UBE2D3: variants seen among roughly 807,000 people sequenced by gnomAD.
UBE2D3 encodes ubiquitin-conjugating enzyme E2 D3.
UBE2D3 carries 2 observed loss-of-function variants against 22.8 expected under a neutral mutation model. The observed-to-expected ratio is 0.09, with a 90% confidence interval of 0.04 to 0.28. The LOEUF is 0.28. Ranked by LOEUF, UBE2D3 falls within the 10% of genes least tolerant of loss-of-function variation. The pLI is 1.00. For missense variants in UBE2D3, 27 were observed against 182.5 expected, an observed-to-expected ratio of 0.15 and a Z score of 4.91; for synonymous variants, 56 against 60.4, an observed-to-expected ratio of 0.93 and a Z score of 0.34.
At chr4:102,854,744 G>A (rs1267469395) in intron 1 of UBE2D3, among the ~76,000 whole-genome samples, 3 of 152,116 alleles carry the variant, frequency 2.0e-5, no homozygotes, top group Non-Finnish European at 1.5e-5. Context: ...ACTAGTAAAG[G>A]CTGTTGTCTT....
intron 7 of UBE2D3, 78 bp downstream of exon 7, chr4:102,799,329 T>C (rs1341558163): frequency 9.1e-7 from 1 of 1,099,856 alleles, no homozygotes; most frequent in African/African-American, 1.6e-5. Flanking sequence ...TCAAGTCTTC[T>C]TGGCACTGTC....
intron 1 of UBE2D3, among the ~76,000 whole-genome samples, chr4:102,845,069 G>A (rs956993080): frequency 2.8e-5 from 4 of 143,786 alleles, no homozygotes; most frequent in Non-Finnish European, 6.0e-5. Flanking sequence ...CCAATATGAC[G>A]AAACCCCATC....
chr4:102,821,013 T>A (rs1369339680), intron 2 of UBE2D3, among the ~76,000 whole-genome samples: 1 of 152,138 alleles, frequency 6.6e-6, no homozygotes, highest in Admixed American at 6.5e-5. Context: ...TAAAAATACT[T>A]CCCTAAACTT....
At position 102,819,460 on chromosome 4, in the gene UBE2D3, CAAT is replaced by C. The variant is rs535682607; in HGVS notation, c.24+7022_24+7024del. 1,240 of 529,028 alleles carry C rather than the reference CAAT, an allele frequency of 2.3e-3. 2 individuals are homozygous for C. The highest frequency in any genetic ancestry group is 5.3e-3 in the Admixed American group (84 of 15,726). The allele number at this position is 529,028 out of a possible 1,614,324, so 32.8% of individuals were successfully genotyped here. A position where few individuals can be genotyped will look rare whatever the true frequency, so the allele number is the denominator to read the frequency against. ...ACAGAGCAGCCATGTTCCAGGAGCC[CAAT>C]AAGTATCTGAACATTCGGTTAACTT... On this transcript the variant is annotated intron_variant, in intron 2 of 7. Transcript: ENST00000453744.
At chr4:102,808,555 T>C (rs1027613647) in intron 4 of UBE2D3, among the ~76,000 whole-genome samples, 43 of 152,216 alleles carry the variant, frequency 2.8e-4, no homozygotes, top group African/African-American at 1.0e-3. Flanking sequence ...GGCACTAACA[T>C]TTTAATTACT....
intron 2 of UBE2D3, among the ~76,000 whole-genome samples, chr4:102,818,201 C>T (rs1729052010): frequency 6.6e-6 from 1 of 152,184 alleles, no homozygotes; most frequent in South Asian, 2.1e-4. Context: ...TGAAGGGACA[C>T]TAAGATCAAG....
chr4:102,803,821 C>T (rs761291146), intron 4 of UBE2D3, among the ~76,000 whole-genome samples: 1 of 152,148 alleles, frequency 6.6e-6, no homozygotes. Flanking sequence ...CAGGCTTAAG[C>T]GCAGTGGCAC....
intron 2 of UBE2D3, chr4:102,811,827 G>GA (rs1728090497): frequency 2.3e-6 from 1 of 433,410 alleles, no homozygotes; most frequent in Non-Finnish European, 4.5e-6. Context: ...GACCAGCTTG[G>GA]ATAACATAGT....
At chr4:102,827,234 G>C (rs1730700685) in intron 1 of UBE2D3, 193 bp downstream of exon 1, 1 of 980,562 alleles carries the variant, frequency 1.0e-6, no homozygotes, top group Non-Finnish European at 1.2e-6. Flanking sequence ...CTCCGGCTTA[G>C]GCGCGAGGAC....
intron 1 of UBE2D3, among the ~76,000 whole-genome samples, chr4:102,865,084 A>G (rs1267125623): frequency 6.6e-6 from 1 of 152,234 alleles, no homozygotes; most frequent in Non-Finnish European, 1.5e-5. Flanking sequence ...ACACAGGTGA[A>G]TACCTTTGTG....
intron 7 of UBE2D3, 85 bp downstream of exon 7, chr4:102,799,322 A>T (rs1725753589): frequency 9.9e-7 from 1 of 1,008,540 alleles, no homozygotes; most frequent in Non-Finnish European, 1.5e-6. Context: ...CTAAATATCA[A>T]GTCTTCTTGG....
chr4:102,845,655 T>A (rs972284755), intron 1 of UBE2D3, among the ~76,000 whole-genome samples: 1 of 152,208 alleles, frequency 6.6e-6, no homozygotes, highest in East Asian at 1.9e-4. Context: ...GGTAGGTTAC[T>A]TTATTATATT....
chr4:102,822,023 GCTGTGGAGAATCCTCAAAGATTGC>G, intron 2 of UBE2D3, among the ~76,000 whole-genome samples: 1 of 152,192 alleles, frequency 6.6e-6, no homozygotes, highest in South Asian at 2.1e-4. Context: ...ATAGCAACAT[GCTGTGGAGAATCCTCAAAGATTGC>G]CTGTCTTGGA....
At chr4:102,814,898 C>T (rs923359947) in intron 2 of UBE2D3, among the ~76,000 whole-genome samples, 1 of 152,060 alleles carries the variant, frequency 6.6e-6, no homozygotes, top group African/African-American at 2.4e-5. Flanking sequence ...TTGTAAGCAT[C>T]TGAATATACC....
At chr4:102,862,342 T>A (rs902938995) in intron 1 of UBE2D3, among the ~76,000 whole-genome samples, 7 of 152,044 alleles carry the variant, frequency 4.6e-5, no homozygotes, top group Admixed American at 1.3e-4. Flanking sequence ...AATTCTTTTT[T>A]TAAAAAAATT....
chr4:102,825,545 G>A (rs1427138225), intron 2 of UBE2D3: 2 of 1,184,178 alleles, frequency 1.7e-6, no homozygotes, highest in South Asian at 3.2e-5. Flanking sequence ...TAAAATGCGG[G>A]ATAGAAGTTA....
At chr4:102,868,493 T>C (rs749572109) in intron 1 of UBE2D3, among the ~76,000 whole-genome samples, 2 of 152,236 alleles carry the variant, frequency 1.3e-5, no homozygotes, top group African/African-American at 2.4e-5. Context: ...GCAGTTAAGT[T>C]GCCAAGGGGC....
chr4:102,836,068 T>C (rs1731376722), intron 1 of UBE2D3, among the ~76,000 whole-genome samples: 1 of 152,038 alleles, frequency 6.6e-6, no homozygotes, highest in Admixed American at 6.6e-5. Context: ...CTTTTATTGC[T>C]AAATAATATT....
chr4:102,798,858 C>G, intron 7 of UBE2D3: 2 of 1,435,486 alleles, frequency 1.4e-6, no homozygotes, highest in Non-Finnish European at 2.0e-6. Flanking sequence ...AATACAGTGC[C>G]TTAACGCATG....
Sources: allele counts gnomAD v4.1 joint callset (sites outside exome capture counted in the v4.1 genomes callset), GRCh38; gene constraint gnomAD v4.1.1; transcripts MANE v1.5; gene names NCBI Gene and HGNC (gene_info 2026-07-23, HGNC 2026-07-21).